The following ZNF727 variants were observed in gnomAD, a reference collection of about 807,000 sequenced individuals.
The protein encoded by ZNF727 is putative zinc finger protein 727.
ZNF727 carries 11 observed loss-of-function variants against 11.5 expected under a neutral mutation model. That is an observed-to-expected ratio of 0.95 (90% CI 0.60 to 1.58). ZNF727 has a LOEUF of 1.58. ZNF727 is among the 40% of genes most tolerant of loss of function. The pLI is 0.00. For synonymous variants in ZNF727, 171 were observed against 196.1 expected (o/e 0.87, Z 1.07); for missense variants, 533 against 581.7 (o/e 0.92, Z 0.86).
intron 1 of ZNF727, among the ~76,000 whole-genome samples, chr7:64,048,641 G>A (rs574139054): frequency 4.6e-5 from 7 of 152,262 alleles, no homozygotes; most frequent in Admixed American, 2.6e-4. Flanking sequence ...CAGGTAATAC[G>A]TAACCTAAAG....
Position 64,080,096 on chromosome 7 carries a change from C to T in ZNF727, c.*1547C>T, listed in dbSNP as rs1317456340. ...CTGCCTTTAACATATTTTTTTCTCTCATTTTGACCTTGGAGAATCTCATGA... is the reference window on the plus strand; with the variant it reads ...CTGCCTTTAACATATTTTTTTCTCTTATTTTGACCTTGGAGAATCTCATGA... On this transcript the variant is annotated 3_prime_UTR_variant, in exon 4 of 4. Coordinates refer to ENST00000456806, the MANE Select transcript of ZNF727 (RefSeq NM_001159522.3). 3.9e-5 allele frequency among the ~76,000 whole-genome samples: 6 copies of T among 151,932 alleles called. No individual in the cohort carries two copies. Among genetic ancestry groups the T allele is most frequent in the East Asian group, 1.9e-4 (1 of 5,178 alleles).
chr7:64,072,203 T>A (rs1462008232), intron 3 of ZNF727, among the ~76,000 whole-genome samples: 2 of 152,140 alleles, frequency 1.3e-5, no homozygotes, highest in African/African-American at 4.8e-5. Context: ...AAATCTTCTC[T>A]TGGGTCAGTT....
At chr7:64,069,947 A>G (rs930909197) in intron 3 of ZNF727, among the ~76,000 whole-genome samples, 2 of 152,048 alleles carry the variant, frequency 1.3e-5, no homozygotes, top group African/African-American at 4.8e-5. Context: ...CTTGGGGGAA[A>G]CAGCAGTATC....
rs544327552 is a variant in ZNF727 at position 64,078,983 on chromosome 7, C to T, written c.*434C>T. On this transcript the variant is annotated 3_prime_UTR_variant, in exon 4 of 4. Transcript: ENST00000456806. ...TAAGAGAATTCATACTGGAGAGACA[C>T]CCTACATCCATGAAGAATGTGGCAA... is the stretch of plus-strand genomic sequence containing the variant. Among the ~76,000 whole-genome samples, 5 of 152,194 alleles carry T rather than the reference C, an allele frequency of 3.3e-5. No individual in the cohort carries two copies. The highest frequency in any genetic ancestry group is 5.9e-5 in the Non-Finnish European group (4 of 68,004).
At chr7:64,058,927 A>G (rs4467830) in intron 1 of ZNF727, among the ~76,000 whole-genome samples, 96,485 of 150,494 alleles carry the variant, frequency 0.64, 31,521 homozygotes, top group Non-Finnish European at 0.71. Context: ...AGATTAACCT[A>G]TTGCTTATGG....
intron 2 of ZNF727, among the ~76,000 whole-genome samples, chr7:64,069,307 A>T (rs1306684102): frequency 6.6e-6 from 1 of 152,032 alleles, no homozygotes; most frequent in Non-Finnish European, 1.5e-5. Flanking sequence ...TTCACAACTG[A>T]TTTTTGATGC....
At chr7:64,048,540 CATT>C (rs1314144103) in intron 1 of ZNF727, among the ~76,000 whole-genome samples, 1 of 152,124 alleles carries the variant, frequency 6.6e-6, no homozygotes, top group African/African-American at 2.4e-5. Flanking sequence ...GTGGGCAACT[CATT>C]ATTTTTTAGA....
At chr7:64,052,014 A>G (rs1488740966) in intron 1 of ZNF727, among the ~76,000 whole-genome samples, 1 of 152,174 alleles carries the variant, frequency 6.6e-6, no homozygotes, top group African/African-American at 2.4e-5. Context: ...ACATAAGTTC[A>G]GCTTATGTTT....
intron 1 of ZNF727, among the ~76,000 whole-genome samples, chr7:64,048,308 A>C (rs909219371): frequency 1.2e-4 from 19 of 152,338 alleles, no homozygotes; most frequent in Non-Finnish European, 2.1e-4. Flanking sequence ...TGAATGTAGT[A>C]AGATTCTGAG....
chr7:64,056,680 T>C (rs1351546783), intron 1 of ZNF727, among the ~76,000 whole-genome samples: 1 of 152,208 alleles, frequency 6.6e-6, no homozygotes, highest in Non-Finnish European at 1.5e-5. Context: ...GATAATAGTT[T>C]ATTTAGTAGG....
chr7:64,051,484 T>C (rs1195237498), intron 1 of ZNF727, among the ~76,000 whole-genome samples: 1 of 152,076 alleles, frequency 6.6e-6, no homozygotes, highest in East Asian at 1.9e-4. Context: ...TCTATGGGAG[T>C]AGACAAGTTT....
At chr7:64,046,067 G>T (rs10949863) in intron 1 of ZNF727, among the ~76,000 whole-genome samples, 97,289 of 151,940 alleles carry the variant, frequency 0.64, 31,884 homozygotes, top group Non-Finnish European at 0.71. Flanking sequence ...CCAGGCTAAA[G>T]TGCAGTGGCA....
chr7:64,049,680 A>G (rs1354289163), intron 1 of ZNF727, among the ~76,000 whole-genome samples: 2 of 151,684 alleles, frequency 1.3e-5, no homozygotes, highest in Non-Finnish European at 1.5e-5. Context: ...ACAGATCTAA[A>G]TATCTTTTGT....
At chr7:64,057,729 TAAA>T (rs547619811) in intron 1 of ZNF727, among the ~76,000 whole-genome samples, 1 of 142,174 alleles carries the variant, frequency 7.0e-6, no homozygotes, top group African/African-American at 2.6e-5. Flanking sequence ...TTTAAAAAAG[TAAA>T]AAAAAAAAAT....
chr7:64,063,201 G>A (rs1789803375), intron 1 of ZNF727, among the ~76,000 whole-genome samples: 2 of 152,106 alleles, frequency 1.3e-5, no homozygotes, highest in African/African-American at 4.8e-5. Context: ...GCATTAATGA[G>A]TTAGGTATTT....
intron 3 of ZNF727, among the ~76,000 whole-genome samples, chr7:64,075,349 G>A (rs1280455332): frequency 2.0e-5 from 3 of 151,816 alleles, no homozygotes; most frequent in East Asian, 1.9e-4. Flanking sequence ...TATTATTTAA[G>A]TGCCTATTTC....
chr7:64,080,760 T>C lies in ZNF727; in HGVS notation c.*2211T>C, dbSNP rs569699487. Among the ~76,000 whole-genome samples, 4 of 152,228 alleles carry C rather than the reference T, an allele frequency of 2.6e-5. No homozygotes were observed. The highest frequency in any genetic ancestry group is 5.9e-5 in the Non-Finnish European group (4 of 68,040). ...CATCTTTGTGGGCGTATCTTTAAAGTTGCTGAACTTTGAATGGGGTTTGGT... is the reference window on the plus strand; with the variant it reads ...CATCTTTGTGGGCGTATCTTTAAAGCTGCTGAACTTTGAATGGGGTTTGGT... On this transcript the variant is annotated 3_prime_UTR_variant, in exon 4 of 4. Coordinates refer to ENST00000456806, the MANE Select transcript of ZNF727 (RefSeq NM_001159522.3).
At chr7:64,071,007 T>G (rs4717169) in intron 3 of ZNF727, among the ~76,000 whole-genome samples, 98,041 of 151,374 alleles carry the variant, frequency 0.65, 32,136 homozygotes, top group Admixed American at 0.72. Context: ...TGTTTTTTTT[T>G]TGTGCAGTCA....
intron 1 of ZNF727, among the ~76,000 whole-genome samples, chr7:64,054,295 G>C (rs1789648841): frequency 6.6e-6 from 1 of 152,186 alleles, no homozygotes; most frequent in Admixed American, 6.5e-5. Flanking sequence ...AGGTTGCTTA[G>C]AACCTCAGGA....
Sources: allele counts gnomAD v4.1 joint callset (sites outside exome capture counted in the v4.1 genomes callset), GRCh38; gene constraint gnomAD v4.1.1; transcripts MANE v1.5; gene names NCBI Gene and HGNC (gene_info 2026-07-23, HGNC 2026-07-21).